NLGN1: variants seen among roughly 807,000 people sequenced by gnomAD.
The protein encoded by NLGN1 is neuroligin 1, also known as neuroligin-1.
Under a neutral mutation model 65.5 loss-of-function variants are expected in NLGN1, and 12 were observed. That is an observed-to-expected ratio of 0.18 (90% CI 0.12 to 0.30). NLGN1 has a LOEUF of 0.30. Ranked by LOEUF, NLGN1 falls within the 10% of genes least tolerant of loss-of-function variation. The pLI, the probability that NLGN1 is intolerant of heterozygous loss-of-function variation, is 1.00. For synonymous variants in NLGN1, 350 were observed against 359.5 expected, an observed-to-expected ratio of 0.97 and a Z score of 0.30; for missense variants, 750 against 1,007.1, an observed-to-expected ratio of 0.74 and a Z score of 3.46.
At chr3:173,906,034 A>G (rs533085682) in intron 4 of NLGN1, among the ~76,000 whole-genome samples, 3 of 152,340 alleles carry the variant, frequency 2.0e-5, no homozygotes, top group African/African-American at 7.2e-5. Context: ...TGAGGAAACA[A>G]AGGCAACTTA....
intron 4 of NLGN1, among the ~76,000 whole-genome samples, chr3:173,818,942 C>T (rs1719617866): frequency 1.7e-5 from 2 of 118,736 alleles, no homozygotes; most frequent in Non-Finnish European, 3.3e-5. Flanking sequence ...TACTCCCTTA[C>T]TTTCCCATGA....
chr3:174,203,933 C>G (rs891279216), intron 4 of NLGN1, among the ~76,000 whole-genome samples: 1 of 152,094 alleles, frequency 6.6e-6, no homozygotes, highest in Admixed American at 6.5e-5. Context: ...TATAGAAATT[C>G]TATTGGAGTC....
intron 4 of NLGN1, among the ~76,000 whole-genome samples, chr3:174,007,657 G>A (rs889250419): frequency 6.6e-6 from 1 of 152,198 alleles, no homozygotes; most frequent in African/African-American, 2.4e-5. Context: ...TTAGCAGACT[G>A]CACTGGATGA....
intron 4 of NLGN1, among the ~76,000 whole-genome samples, chr3:173,977,002 C>T (rs1372175650): frequency 6.6e-6 from 1 of 151,882 alleles, no homozygotes; most frequent in Non-Finnish European, 1.5e-5. Context: ...CTACCATGTG[C>T]CAGGCACAAT....
At chr3:173,702,225 C>G (rs1367102473) in intron 3 of NLGN1, among the ~76,000 whole-genome samples, 4 of 134,944 alleles carry the variant, frequency 3.0e-5, no homozygotes, top group Non-Finnish European at 6.1e-5. Context: ...GGCGACAGAG[C>G]GAGACTCCGT....
chr3:174,036,583 TG>T (rs1291458920), intron 4 of NLGN1, among the ~76,000 whole-genome samples: 2 of 48,472 alleles, frequency 4.1e-5, no homozygotes, highest in African/African-American at 7.3e-5. Context: ...GGTTTTTTGT[TG>T]TTTTTTTTTT....
chr3:173,885,679 C>T (rs1052623249), intron 4 of NLGN1, among the ~76,000 whole-genome samples: 6 of 152,020 alleles, frequency 3.9e-5, no homozygotes, highest in Admixed American at 2.6e-4. Context: ...AATCAATTCA[C>T]TAAATAGTTA....
intron 4 of NLGN1, among the ~76,000 whole-genome samples, chr3:173,845,688 CAT>C (rs1725648058): frequency 6.6e-6 from 1 of 151,928 alleles, no homozygotes; most frequent in Non-Finnish European, 1.5e-5. Flanking sequence ...CAATAGGAAA[CAT>C]AAAATGTTAA....
intron 4 of NLGN1, among the ~76,000 whole-genome samples, chr3:174,000,212 A>C (rs1723017457): frequency 6.6e-6 from 1 of 152,054 alleles, no homozygotes; most frequent in African/African-American, 2.4e-5. Context: ...CCATTTTTTT[A>C]GTGTAAAACC....
At chr3:174,104,188 G>A (rs1024729173) in intron 4 of NLGN1, among the ~76,000 whole-genome samples, 7 of 151,822 alleles carry the variant, frequency 4.6e-5, no homozygotes, top group African/African-American at 1.7e-4. Context: ...TTAGTTACTT[G>A]TCTCTCTATC....
rs115273708 is a variant in NLGN1, at chr3:173,612,308, C to T, written c.493+7217C>T. Among the ~76,000 whole-genome samples the T allele has an allele frequency of 5.2e-3, 786 of 152,214 alleles. 6 individuals are homozygous for T. Among genetic ancestry groups the T allele is most frequent in the African/African-American group, 0.018 (759 of 41,534 alleles). ...GGACAGAGTACTTTATGTAACACTT[C>T]TTGTATAAGTTGCCTAGGCTGCTGT... On this transcript the variant is annotated intron_variant, in intron 3 of 6. Transcript: ENST00000457714.
intron 4 of NLGN1, among the ~76,000 whole-genome samples, chr3:174,273,313 A>T (rs1016185755): frequency 3.3e-5 from 5 of 151,684 alleles, no homozygotes; most frequent in Non-Finnish European, 5.9e-5. Flanking sequence ...TCTCACACGC[A>T]CATATCCTTT....
intron 3 of NLGN1, among the ~76,000 whole-genome samples, chr3:173,759,839 T>C (rs1777698233): frequency 6.6e-6 from 1 of 151,986 alleles, no homozygotes; most frequent in African/African-American, 2.4e-5. Context: ...ATTTTTATTT[T>C]TAAATTATTT....
In NLGN1 at chr3:174,127,757, G is replaced by C. The variant is rs139643839; in HGVS notation, c.647-147558G>C. 3.6e-4 allele frequency among the ~76,000 whole-genome samples: 55 copies of C among 152,216 alleles called. 1 individual carries two copies. Among genetic ancestry groups the C allele is most frequent in the Middle Eastern group, 3.4e-3 (1 of 294 alleles). Reference sequence around the variant, plus strand: ...CAACTTTATCCTTCATGTATTATTTGAAATGCAATAAGTTGGGTCCATTTA... The same window carrying C: ...CAACTTTATCCTTCATGTATTATTTCAAATGCAATAAGTTGGGTCCATTTA... On this transcript the variant is annotated intron_variant, in intron 4 of 6. Coordinates refer to ENST00000457714, the Ensembl canonical transcript of NLGN1.
chr3:174,287,063 A>G (rs1752207834), downstream of NLGN1, among the ~76,000 whole-genome samples: 1 of 151,744 alleles, frequency 6.6e-6, no homozygotes, highest in African/African-American at 2.4e-5. Context: ...CCTTTAAATC[A>G]TAAATCTATT....
At chr3:173,523,169 G>A (rs1394622240) in intron 2 of NLGN1, among the ~76,000 whole-genome samples, 26 of 151,470 alleles carry the variant, frequency 1.7e-4, no homozygotes, top group Non-Finnish European at 1.5e-5. Context: ...CCTTATAAAT[G>A]CATAATATAA....
chr3:173,719,763 T>C (rs77164889), intron 3 of NLGN1, among the ~76,000 whole-genome samples: 7,617 of 152,258 alleles, frequency 0.05, 186 homozygotes, highest in South Asian at 0.077. Context: ...TTTTTCTTTC[T>C]ACAGTCTAGG....
At chr3:173,957,767 A>G (rs1579411899) in intron 4 of NLGN1, among the ~76,000 whole-genome samples, 1 of 152,234 alleles carries the variant, frequency 6.6e-6, no homozygotes, top group South Asian at 2.1e-4. Flanking sequence ...GTGTTGCTTC[A>G]CCAGCCAGAA....
chr3:173,648,787 C>G (rs1758680235), intron 3 of NLGN1, among the ~76,000 whole-genome samples: 2 of 152,074 alleles, frequency 1.3e-5, no homozygotes. Context: ...GTTGGTCAGG[C>G]TGGTCTCAAA....
Sources: allele counts gnomAD v4.1 joint callset (sites outside exome capture counted in the v4.1 genomes callset), GRCh38; gene constraint gnomAD v4.1.1; transcripts MANE v1.5; gene names NCBI Gene and HGNC (gene_info 2026-07-23, HGNC 2026-07-21).